The following RASA3 variants were observed in gnomAD, a reference collection of about 807,000 sequenced individuals.
RASA3 encodes ras GTPase-activating protein 3.
A neutral mutation model predicts 110.0 loss-of-function variants in RASA3; 73 were observed. That is an observed-to-expected ratio of 0.66 (90% confidence interval 0.55 to 0.81). The LOEUF is 0.81. Ranked by LOEUF, RASA3 falls within the 30% of genes least tolerant of loss-of-function variation. RASA3 has a pLI of 0.00. For missense variants in RASA3, 976 were observed against 1,113.2 expected (o/e 0.88, Z 1.75); for synonymous variants, 500 against 451.4 (o/e 1.11, Z -1.37).
rs1465384132 is a variant in RASA3 at position 114,018,118 on chromosome 13, C to T, written c.1077G>A (p.Glu359=). The T allele has an allele frequency of 6.5e-7, 1 of 1,547,240 alleles. No individual in the cohort carries two copies. ...TGGGCACTCACTGGGTCCGCTTCAC[C>T]TCCGCGCTGGCGATGGCACTGATGA... ...VPFISAIASA[E]VKRTQDPNTI... is the part of the protein sequence containing the mutation. Residue 359 remains glutamate, a synonymous_variant, in exon 11 of 24, where the codon GAG becomes GAA. Coordinates refer to ENST00000334062, the MANE Select transcript of RASA3 (RefSeq NM_007368.4).
At position 114,115,427 on chromosome 13, in the gene RASA3, G is replaced by C. The variant is rs768146532; in HGVS notation, c.55+17008C>G. The stretch of plus-strand genomic sequence containing the variant: ...TTGGGTTAGTGTCGGGCACGCGGGG[G>C]AGGTGCCTGCCTGCGTGAAGACTGG... On this transcript the variant is annotated intron_variant, in intron 1 of 23. Coordinates refer to ENST00000334062, the MANE Select transcript of RASA3 (RefSeq NM_007368.4). The surrounding 1 kb of genome is among the most constrained non-coding windows in gnomAD (Gnocchi z 5.0). Among the ~76,000 whole-genome samples, 33 of 152,216 alleles carry C rather than the reference G, an allele frequency of 2.2e-4. No individual in the cohort carries two copies. The highest frequency in any genetic ancestry group is 7.3e-5 in the Non-Finnish European group (5 of 68,040).
chr13:114,055,873 C>T (rs2079236660), intron 2 of RASA3, among the ~76,000 whole-genome samples: 1 of 152,224 alleles, frequency 6.6e-6, no homozygotes, highest in African/African-American at 2.4e-5. Context: ...CAGCTCTGGG[C>T]CTTGCGGCAA....
intron 1 of RASA3, among the ~76,000 whole-genome samples, chr13:114,098,060 C>T (rs969302724): frequency 1.3e-5 from 2 of 152,204 alleles, no homozygotes; most frequent in Non-Finnish European, 2.9e-5. Flanking sequence ...CTACAGCCCC[C>T]ATCCAGGCCC....
chr13:114,054,208 G>A (rs1324286477), intron 2 of RASA3, among the ~76,000 whole-genome samples: 1 of 152,134 alleles, frequency 6.6e-6, no homozygotes, highest in Admixed American at 6.5e-5. Flanking sequence ...TCTGATAAAA[G>A]ACTTATATAC....
At chr13:114,030,010 A>T in intron 4 of RASA3, 123 bp from the exon 5 acceptor site, 1 of 829,984 alleles carries the variant, frequency 1.2e-6, no homozygotes, top group Non-Finnish European at 2.0e-6. Flanking sequence ...GCCCTGGCCA[A>T]TGGGCACGTC....
intron 1 of RASA3, among the ~76,000 whole-genome samples, chr13:114,074,194 C>T (rs542877002): frequency 1.3e-5 from 2 of 152,216 alleles, no homozygotes; most frequent in Non-Finnish European, 2.9e-5. Context: ...CCACGTTCAC[C>T]GAGTTGTGCA....
rs2080237138 is a variant in RASA3, at chr13:114,112,913, G to T, written c.55+19522C>A. On this transcript the variant is annotated intron_variant, in intron 1 of 23. Coordinates refer to ENST00000334062, the MANE Select transcript of RASA3 (RefSeq NM_007368.4). The surrounding 1 kb of genome is among the most constrained non-coding windows in gnomAD (Gnocchi z 4.8). ...GAGGCCAGCAGGGGGCTGGGAAGGT[G>T]CTTAGCTCAGGGAGGGCTGGAGGGT... Among the ~76,000 whole-genome samples the T allele has an allele frequency of 6.6e-6, 1 of 152,160 alleles. No homozygotes were observed. Among genetic ancestry groups the T allele is most frequent in the Admixed American group, 6.5e-5 (1 of 15,286 alleles).
chr13:114,004,863 G>A (rs1236087883), intron 18 of RASA3, among the ~76,000 whole-genome samples: 1 of 152,228 alleles, frequency 6.6e-6, no homozygotes, highest in African/African-American at 2.4e-5. Flanking sequence ...CAAAGACACG[G>A]AATCCACGTG....
At chr13:114,132,184 C>A (rs2080528994) in intron 1 of RASA3, among the ~76,000 whole-genome samples, 1 of 152,224 alleles carries the variant, frequency 6.6e-6, no homozygotes, top group South Asian at 2.1e-4. Flanking sequence ...GGGACCGGGG[C>A]CGCTCCGGGC....
At chr13:114,063,424 A>G (rs902537520) in intron 2 of RASA3, among the ~76,000 whole-genome samples, 1 of 150,876 alleles carries the variant, frequency 6.6e-6, no homozygotes, top group African/African-American at 2.4e-5. Flanking sequence ...TTATATTATA[A>G]TACAAATATA....
intron 2 of RASA3, among the ~76,000 whole-genome samples, chr13:114,052,953 T>TGG (rs1358607302): frequency 8.4e-6 from 1 of 119,204 alleles, no homozygotes; most frequent in Non-Finnish European, 1.8e-5. Flanking sequence ...TCCTCGCTCC[T>TGG]GGGGGAGAAA....
At chr13:114,099,039 G>A (rs1429656912) in intron 1 of RASA3, among the ~76,000 whole-genome samples, 3 of 5,880 alleles carry the variant, frequency 5.1e-4, no homozygotes, top group African/African-American at 2.3e-3. Context: ...CCGGCCACCC[G>A]AGCCCCCCAG....
chr13:114,009,282 G>A (rs569527136), intron 17 of RASA3, 105 bp downstream of exon 17: 24 of 938,340 alleles, frequency 2.6e-5, no homozygotes, highest in African/African-American at 9.9e-5. Context: ...GTTTAAAATC[G>A]CTAATGGCCA....
chr13:114,120,092 C>T, intron 1 of RASA3, among the ~76,000 whole-genome samples: 1 of 119,092 alleles, frequency 8.4e-6, no homozygotes, highest in Non-Finnish European at 1.7e-5. Flanking sequence ...CTCTCTCCAG[C>T]CAGGCGTCGA....
chr13:114,066,674 C>A (rs886182906), intron 2 of RASA3, among the ~76,000 whole-genome samples: 1 of 152,242 alleles, frequency 6.6e-6, no homozygotes, highest in Non-Finnish European at 1.5e-5. Context: ...CGGCTGAGTT[C>A]CTGTGCGGCT....
intron 1 of RASA3, among the ~76,000 whole-genome samples, chr13:114,103,082 GC>G (rs922972649): frequency 5.4e-4 from 83 of 152,306 alleles, no homozygotes; most frequent in African/African-American, 1.9e-3. Flanking sequence ...GAGAAATGCA[GC>G]TGTGGCTGTC....
At chr13:114,105,838 T>C (rs1566577996) in intron 1 of RASA3, among the ~76,000 whole-genome samples, 1 of 152,160 alleles carries the variant, frequency 6.6e-6, no homozygotes, top group African/African-American at 2.4e-5. Flanking sequence ...TCCAGTGGCC[T>C]AAGGAAGTCA....
intron 21 of RASA3, 133 bp downstream of exon 21, chr13:113,996,398 G>A (rs1451388789): frequency 1.1e-6 from 1 of 926,462 alleles, no homozygotes; most frequent in East Asian, 2.6e-5. Flanking sequence ...AGGCTCCTGG[G>A]AGGAGGCGAG....
intron 6 of RASA3, 64 bp from the exon 7 acceptor site, chr13:114,027,525 T>TA (rs887963276): frequency 7.8e-7 from 1 of 1,288,386 alleles, no homozygotes; most frequent in African/African-American, 1.5e-5. Context: ...CTCTCAGTGG[T>TA]AAAACCGAGC....
Sources: allele counts gnomAD v4.1 joint callset (sites outside exome capture counted in the v4.1 genomes callset), GRCh38; gene constraint gnomAD v4.1.1; non-coding constraint Gnocchi (gnomAD v3.1); transcripts MANE v1.5; gene names NCBI Gene and HGNC (gene_info 2026-07-23, HGNC 2026-07-21).